Variants in SLC6A5 observed in about 807,000 individuals in gnomAD.
SLC6A5 encodes the protein sodium- and chloride-dependent glycine transporter 2.
SLC6A5 carries 58 observed loss-of-function variants against 90.5 expected under a neutral mutation model. That is an observed-to-expected ratio of 0.64 (90% CI 0.52 to 0.80). SLC6A5 has a LOEUF of 0.80. Ranked by LOEUF, SLC6A5 falls within the 30% of genes least tolerant of loss-of-function variation. The probability of loss-of-function intolerance (pLI) is 0.00; values close to 1 mark genes in which losing one functional copy is unlikely to be tolerated. For synonymous variants in SLC6A5, 427 were observed against 401.4 expected, an observed-to-expected ratio of 1.06 and a Z score of -0.76; for missense variants, 1,015 against 1,017.6, an observed-to-expected ratio of 1.00 and a Z score of 0.03.
chr11:20,633,090 G>T (rs887790240), intron 10 of SLC6A5, among the ~76,000 whole-genome samples: 1 of 152,176 alleles, frequency 6.6e-6, no homozygotes, highest in African/African-American at 2.4e-5. Context: ...TTCCAGGAAA[G>T]TTAGCCCTTC....
rs760699489 is a variant in SLC6A5, at chr11:20,604,278, G to A, written c.541-8G>A. ...GCTGTTATCGACAATGTGCTTTTCC[G>A]CCCCCAGGAGGACGAGCAAGGGGAT... is the stretch of plus-strand genomic sequence containing the variant. On this transcript the variant is annotated splice_region_variant and splice_polypyrimidine_tract_variant and intron_variant, in intron 2 of 15. Coordinates refer to ENST00000525748, the MANE Select transcript of SLC6A5 (RefSeq NM_004211.5). 10 of 1,606,230 alleles carry A rather than the reference G, an allele frequency of 6.2e-6. No individual in the cohort carries two copies. Among genetic ancestry groups the A allele is most frequent in the Non-Finnish European group, 8.5e-6 (10 of 1,174,382 alleles).
intron 12 of SLC6A5, 56 bp from the exon 13 acceptor site, chr11:20,638,403 A>T: frequency 9.3e-7 from 1 of 1,071,362 alleles, no homozygotes; most frequent in Non-Finnish European, 1.5e-6. Flanking sequence ...AAACGTGGGA[A>T]GAGACAGCCT....
intron 3 of SLC6A5, 94 bp downstream of exon 3, chr11:20,604,518 G>T: frequency 6.7e-7 from 1 of 1,496,314 alleles, no homozygotes. Flanking sequence ...CCGCCGGGCG[G>T]GGAGGCTCAG....
intron 13 of SLC6A5, among the ~76,000 whole-genome samples, chr11:20,641,697 G>A (rs1853317708): frequency 6.6e-6 from 1 of 152,282 alleles, no homozygotes; most frequent in Middle Eastern, 3.4e-3. Flanking sequence ...TTTTAGGAAT[G>A]AGAGGCTTTA....
chr11:20,600,185 A>G (rs1389190429), intron 1 of SLC6A5, among the ~76,000 whole-genome samples: 1 of 152,182 alleles, frequency 6.6e-6, no homozygotes, highest in Non-Finnish European at 1.5e-5. Context: ...GAGAAAGTGG[A>G]TAGAAAAACC....
chr11:20,609,000 G>C (rs1258978313), intron 5 of SLC6A5, among the ~76,000 whole-genome samples: 1 of 149,518 alleles, frequency 6.7e-6, no homozygotes, highest in East Asian at 2.0e-4. Context: ...GTTTAAAGCA[G>C]GCTGAGCATG....
chr11:20,640,190 G>A (rs1015371743), intron 13 of SLC6A5, among the ~76,000 whole-genome samples: 3 of 152,098 alleles, frequency 2.0e-5, no homozygotes, highest in South Asian at 4.1e-4. Flanking sequence ...TGGCAAAGTC[G>A]GGAAAGCACT....
intron 5 of SLC6A5, among the ~76,000 whole-genome samples, chr11:20,611,711 C>T (rs1238987084): frequency 1.3e-5 from 2 of 150,934 alleles, no homozygotes; most frequent in Non-Finnish European, 2.9e-5. Flanking sequence ...AATGACCAGG[C>T]TGAGCAGATC....
At chr11:20,637,327 C>CA in intron 12 of SLC6A5, 24 bp downstream of exon 12, 1 of 1,280,290 alleles carries the variant, frequency 7.8e-7, no homozygotes, top group Non-Finnish European at 1.1e-6. Flanking sequence ...TAGGCACAGG[C>CA]TTGGGGTGGG....
At chr11:20,627,611 AG>A (rs1853023100) in intron 8 of SLC6A5, among the ~76,000 whole-genome samples, 1 of 152,210 alleles carries the variant, frequency 6.6e-6, no homozygotes, top group South Asian at 2.1e-4. Flanking sequence ...TCAGTTAAAA[AG>A]GGTTTTGATT....
chr11:20,600,991 TA>T, intron 1 of SLC6A5, 137 bp from the exon 2 acceptor site: 3 of 820,162 alleles, frequency 3.7e-6, no homozygotes, highest in Non-Finnish European at 5.5e-6. Context: ...GCCTTTCTTT[TA>T]AAAAAAGTTC....
intron 13 of SLC6A5, 26 bp from the exon 14 acceptor site, chr11:20,646,808 C>T (rs1281140261): frequency 6.6e-7 from 1 of 1,521,404 alleles, no homozygotes; most frequent in East Asian, 2.3e-5. Flanking sequence ...GTGCCTTATA[C>T]CTGTTCTCTG....
chr11:20,604,471 C>T (rs762530764), intron 3 of SLC6A5, 47 bp downstream of exon 3: 20 of 1,603,940 alleles, frequency 1.2e-5, no homozygotes, highest in Non-Finnish European at 1.7e-5. Flanking sequence ...GGGGCGGGCA[C>T]CTGAGGGTTG....
intron 10 of SLC6A5, among the ~76,000 whole-genome samples, chr11:20,634,265 CA>C (rs1326403977): frequency 6.6e-6 from 1 of 152,210 alleles, no homozygotes; most frequent in Non-Finnish European, 1.5e-5. Context: ...ACTTGGCCTT[CA>C]TCAGACTGGC....
intron 7 of SLC6A5, among the ~76,000 whole-genome samples, chr11:20,623,012 T>G (rs575056087): frequency 4.9e-4 from 75 of 152,282 alleles, no homozygotes; most frequent in African/African-American, 1.8e-3. Context: ...GTGGAAGGGC[T>G]TCACTTCTCC....
intron 11 of SLC6A5, 29 bp downstream of exon 11, chr11:20,636,448 C>A: frequency 7.2e-7 from 1 of 1,395,640 alleles, no homozygotes; most frequent in Non-Finnish European, 1.0e-6. Context: ...AGTCTCTATC[C>A]CATGCTCCTC....
Position 20,658,106 on chromosome 11 carries a change from G to A in SLC6A5, c.*3238G>A, listed in dbSNP as rs1853659513. On this transcript the variant is annotated 3_prime_UTR_variant, in exon 16 of 16. Coordinates refer to ENST00000525748, the MANE Select transcript of SLC6A5 (RefSeq NM_004211.5). ...GATGACCTTTAAATGGATAGGACTT[G>A]GGTTGTTTTTATGGTAATGTTGCAT... is the stretch of plus-strand genomic sequence containing the variant. 6.6e-6 allele frequency: 1 copy of A among 152,122 alleles called. No homozygotes were observed. Among genetic ancestry groups the A allele is most frequent in the African/African-American group, 2.4e-5 (1 of 41,430 alleles). 9.4% of individuals were successfully genotyped at this position (152,122 alleles called of 1,614,324 possible).
rs143918578 is a variant in SLC6A5, at chr11:20,652,332, A to G, written c.2114A>G (p.Tyr705Cys). The G allele has an allele frequency of 1.1e-3, 1,748 of 1,614,026 alleles. 37 individuals are homozygous for G. The South Asian group carries it at 0.018, about 16-fold the overall frequency. Residue 705 changes from tyrosine to cysteine, a missense_variant, in exon 15 of 16, where the codon TAT (tyrosine) becomes TGT (cysteine). Tyr to Cys is a radical substitution (Grantham distance 194). Coordinates refer to ENST00000525748, the MANE Select transcript of SLC6A5 (RefSeq NM_004211.5). ...FSFYQWEPMT[Y>C]GSYRYPNWSM... The stretch of plus-strand genomic sequence containing the variant: ...TTTTACCAGTGGGAGCCCATGACCT[A>G]TGGCTCTTACCGCTATCCTAACTGG...
intron 13 of SLC6A5, among the ~76,000 whole-genome samples, chr11:20,641,885 G>A (rs1853321032): frequency 6.6e-6 from 1 of 152,122 alleles, no homozygotes; most frequent in Non-Finnish European, 1.5e-5. Context: ...ATCCCTGGCT[G>A]TGAGCCCTTT....
Sources: allele counts gnomAD v4.1 joint callset (sites outside exome capture counted in the v4.1 genomes callset), GRCh38; gene constraint gnomAD v4.1.1; transcripts MANE v1.5; gene names NCBI Gene and HGNC (gene_info 2026-07-23, HGNC 2026-07-21).